The following SLC4A4 variants were observed in gnomAD, a reference collection of about 807,000 sequenced individuals.
The protein encoded by SLC4A4 is solute carrier family 4 member 4, also known as electrogenic sodium bicarbonate cotransporter 1.
SLC4A4 carries 27 observed loss-of-function variants against 111.5 expected under a neutral mutation model. That is an observed-to-expected ratio of 0.24 (90% CI 0.18 to 0.33). SLC4A4 has a LOEUF of 0.33. Ranked by LOEUF, SLC4A4 falls within the 10% of genes least tolerant of loss-of-function variation. SLC4A4 has a pLI of 1.00. For synonymous variants in SLC4A4, 443 were observed against 463.4 expected, an observed-to-expected ratio of 0.96 and a Z score of 0.57; for missense variants, 909 against 1,315.5, an observed-to-expected ratio of 0.69 and a Z score of 4.78.
chr4:71,080,499 G>A (rs1741963552), intron 1 of SLC4A4, among the ~76,000 whole-genome samples: 1 of 152,088 alleles, frequency 6.6e-6, no homozygotes, highest in Admixed American at 6.5e-5. Flanking sequence ...AAAAGGATGA[G>A]TGTTTTCCCT....
At chr4:71,301,612 C>T (rs77154235) in intron 3 of SLC4A4, among the ~76,000 whole-genome samples, 5,027 of 152,328 alleles carry the variant, frequency 0.033, 328 homozygotes, top group Admixed American at 0.16. Context: ...TAGAGCTATT[C>T]GGGCTCTTGC....
At chr4:71,486,922 A>G (rs754723183) in intron 14 of SLC4A4, 26 bp from the exon 15 acceptor site, 5 of 1,474,960 alleles carry the variant, frequency 3.4e-6, no homozygotes, top group South Asian at 1.2e-5. Flanking sequence ...GTTTTATAGT[A>G]TAAAATAATT....
intron 12 of SLC4A4, among the ~76,000 whole-genome samples, chr4:71,465,435 A>G (rs993085691): frequency 1.3e-5 from 2 of 151,396 alleles, no homozygotes; most frequent in African/African-American, 4.8e-5. Context: ...TATGTCTACA[A>G]AAGAACCTTC....
chr4:71,211,994 GCTCC>G (rs1206864602), intron 1 of SLC4A4, among the ~76,000 whole-genome samples: 1 of 152,104 alleles, frequency 6.6e-6, no homozygotes, highest in Non-Finnish European at 1.5e-5. Flanking sequence ...TGATTGCAGT[GCTCC>G]CTCACCAAGG....
intron 16 of SLC4A4, among the ~76,000 whole-genome samples, chr4:71,530,065 A>C (rs1733778224): frequency 6.6e-6 from 1 of 152,112 alleles, no homozygotes; most frequent in Non-Finnish European, 1.5e-5. Context: ...CCTAAGAAAC[A>C]TCCTTTTTTT....
At chr4:71,198,211 G>C (rs1014671720) in intron 1 of SLC4A4, among the ~76,000 whole-genome samples, 2 of 152,162 alleles carry the variant, frequency 1.3e-5, no homozygotes, top group Non-Finnish European at 2.9e-5. Flanking sequence ...CAATATATGT[G>C]AAAGCACAAT....
chr4:71,354,978 G>C (rs1730156712), intron 5 of SLC4A4, among the ~76,000 whole-genome samples: 1 of 152,214 alleles, frequency 6.6e-6, no homozygotes, highest in Non-Finnish European at 1.5e-5. Context: ...CAGTGTAGCT[G>C]TGAAATGTTA....
At chr4:71,500,763 G>A (rs1322223779) in intron 16 of SLC4A4, among the ~76,000 whole-genome samples, 2 of 152,248 alleles carry the variant, frequency 1.3e-5, no homozygotes, top group East Asian at 3.9e-4. Context: ...CATCTTTGTT[G>A]AAAATCAGTT....
intron 2 of SLC4A4, among the ~76,000 whole-genome samples, chr4:71,167,537 T>C (rs931441500): frequency 1.8e-4 from 28 of 152,180 alleles, no homozygotes; most frequent in African/African-American, 6.8e-4. Flanking sequence ...TTGGGAAATA[T>C]AATCTGTGAC....
At position 71,283,849 on chromosome 4, in the gene SLC4A4, G is replaced by A. The variant is rs527715067; in HGVS notation, c.253+28450G>A. On this transcript the variant is annotated intron_variant, in intron 3 of 25. Transcript: ENST00000264485. ...GCTGGTCCATGGTGTCATCCTTTCA[G>A]ACCCAAGTGCTTGATGAGCTTTTTA... is the stretch of plus-strand genomic sequence containing the variant. Among the ~76,000 whole-genome samples, 71 of 152,284 alleles carry A rather than the reference G, an allele frequency of 4.7e-4. 1 individual carries two copies. Among genetic ancestry groups the A allele is most frequent in the African/African-American group, 1.7e-3 (69 of 41,566 alleles).
chr4:71,471,695 G>A (rs969654611), intron 13 of SLC4A4, among the ~76,000 whole-genome samples: 1 of 151,770 alleles, frequency 6.6e-6, no homozygotes, highest in African/African-American at 2.4e-5. Context: ...AATTTTAAAG[G>A]GATCAGTATA....
At chr4:71,399,941 T>C (rs1252495903) in intron 7 of SLC4A4, among the ~76,000 whole-genome samples, 1 of 152,202 alleles carries the variant, frequency 6.6e-6, no homozygotes, top group African/African-American at 2.4e-5. Context: ...TATGGGTACA[T>C]TGGTAGATAC....
chr4:71,255,539 C>A, intron 3 of SLC4A4, 140 bp downstream of exon 3: 1 of 951,722 alleles, frequency 1.1e-6, no homozygotes, highest in South Asian at 1.3e-5. Context: ...AGGATAATGT[C>A]TGTGGAGATG....
intron 3 of SLC4A4, among the ~76,000 whole-genome samples, chr4:71,256,867 T>C (rs946097597): frequency 6.6e-6 from 1 of 152,230 alleles, no homozygotes; most frequent in Non-Finnish European, 1.5e-5. Context: ...TGTGATTGTC[T>C]ACTCTCTCTC....
In SLC4A4 at chr4:71,446,183, T is replaced by C. The variant is rs558875231; in HGVS notation, c.966-1463T>C. Reference sequence around the variant, plus strand: ...ATCCCTTTTGGGTTGAATTTTATGATAAAAAAAAAGTAATTATACATTCAA... The same window carrying C: ...ATCCCTTTTGGGTTGAATTTTATGACAAAAAAAAAGTAATTATACATTCAA... On this transcript the variant is annotated intron_variant, in intron 8 of 25. Transcript: ENST00000264485. Among the ~76,000 whole-genome samples, 11 of 151,340 alleles carry C rather than the reference T, an allele frequency of 7.3e-5. No homozygotes were observed. In the South Asian group the frequency reaches 1.9e-3, roughly 26 times the overall value.
At chr4:71,116,421 G>A (rs11721473) in intron 2 of SLC4A4, among the ~76,000 whole-genome samples, 23,653 of 152,124 alleles carry the variant, frequency 0.16, 2,118 homozygotes, top group East Asian at 0.27. Context: ...AATACAAAAC[G>A]AGTCAACACA....
At chr4:71,191,389 T>C (rs765031906) in intron 1 of SLC4A4, among the ~76,000 whole-genome samples, 4 of 152,218 alleles carry the variant, frequency 2.6e-5, no homozygotes, top group Admixed American at 6.5e-5. Flanking sequence ...TTATGCTTAT[T>C]GAGATGAAGA....
intron 3 of SLC4A4, among the ~76,000 whole-genome samples, chr4:71,317,184 G>T (rs1171203275): frequency 6.6e-6 from 1 of 151,916 alleles, no homozygotes; most frequent in Non-Finnish European, 1.5e-5. Flanking sequence ...ACTCTAGGAG[G>T]TGAGTTTAGT....
chr4:71,343,424 A>G (rs888926511), intron 4 of SLC4A4, among the ~76,000 whole-genome samples: 2 of 152,206 alleles, frequency 1.3e-5, no homozygotes, highest in African/African-American at 4.8e-5. Context: ...TTTAATTGGA[A>G]TCAACTAATC....
Sources: allele counts gnomAD v4.1 joint callset (sites outside exome capture counted in the v4.1 genomes callset), GRCh38; gene constraint gnomAD v4.1.1; transcripts MANE v1.5; gene names NCBI Gene and HGNC (gene_info 2026-07-23, HGNC 2026-07-21).